RSPH14: variants seen among roughly 807,000 people sequenced by gnomAD.
RSPH14 encodes the protein rhabdoid tumor deletion region gene 1.
In RSPH14, 20 loss-of-function variants were observed where a neutral mutation model predicts 26.7. The ratio of observed to expected loss-of-function variants is 0.75; its 90% CI spans 0.53 to 1.09. The LOEUF is 1.09. Among genes scored for constraint, RSPH14 ranks in the 50% least tolerant of loss-of-function variants. The pLI, the probability that RSPH14 is intolerant of heterozygous loss-of-function variation, is 0.00. For synonymous variants in RSPH14, 177 were observed against 189.3 expected (o/e 0.93, Z 0.53); for missense variants, 449 against 457.2 (o/e 0.98, Z 0.16).
At chr22:23,114,387 C>G (rs1231595959) in intron 4 of RSPH14, among the ~76,000 whole-genome samples, 3 of 152,206 alleles carry the variant, frequency 2.0e-5, no homozygotes, top group Non-Finnish European at 4.4e-5. Flanking sequence ...GACAGACCGG[C>G]CCCGGCCCCA....
At chr22:23,151,560 G>A in the RSPH14 span, among the ~76,000 whole-genome samples, 1 of 152,090 alleles carries the variant, frequency 6.6e-6, no homozygotes, top group Non-Finnish European at 1.5e-5. Context: ...GGCTCCTTGG[G>A]GATGAGCTGC....
At chr22:23,173,592 C>T in the RSPH14 span, among the ~76,000 whole-genome samples, 4,591 of 151,194 alleles carry the variant, frequency 0.03, 252 homozygotes, top group African/African-American at 0.11. Flanking sequence ...AGACACATGC[C>T]ACAATGCTCA....
intron 4 of RSPH14, among the ~76,000 whole-genome samples, chr22:23,130,898 G>C (rs1197590018): frequency 1.3e-5 from 2 of 152,260 alleles, no homozygotes; most frequent in Non-Finnish European, 2.9e-5. Context: ...CAGAGGCTGG[G>C]CTGGAAGCAG....
intron 4 of RSPH14, among the ~76,000 whole-genome samples, chr22:23,128,250 CTCATGGGGTTCTACTCCATT>C: frequency 6.6e-6 from 1 of 152,222 alleles, no homozygotes; most frequent in East Asian, 1.9e-4. Flanking sequence ...AACCTGTTTT[CTCATGGGGTTCTACTCCATT>C]CCTGGACTTA....
At chr22:23,174,794 C>A in the RSPH14 span, among the ~76,000 whole-genome samples, 3 of 151,618 alleles carry the variant, frequency 2.0e-5, no homozygotes, top group South Asian at 6.3e-4. Context: ...CATGGAGAAA[C>A]CCCGTTTCTA....
Position 23,071,561 on chromosome 22 carries a change from CA to C in RSPH14, c.422-7429del, listed in dbSNP as rs1167441194. 1.3e-5 allele frequency among the ~76,000 whole-genome samples: 2 copies of C among 152,270 alleles called. No individual in the cohort carries two copies. The highest frequency in any genetic ancestry group is 3.9e-4 in the East Asian group (2 of 5,168). On this transcript the variant is annotated intron_variant, in intron 4 of 6. Transcript: ENST00000216036. The surrounding 1 kb of genome is among the most constrained non-coding windows in gnomAD (Gnocchi z 4.1). Reference sequence around the variant, plus strand: ...GGCTCCTTGGCCAAATTCAATTAAGCAAATATTTATTGAGTGGTCACTCCCC... The same window carrying C: ...GGCTCCTTGGCCAAATTCAATTAAGCAATATTTATTGAGTGGTCACTCCCC...
chr22:23,119,999 C>T (rs1439011146), intron 4 of RSPH14, among the ~76,000 whole-genome samples: 1 of 152,152 alleles, frequency 6.6e-6, no homozygotes, highest in Non-Finnish European at 1.5e-5. Flanking sequence ...GTCCTGGGCA[C>T]AAGCAGGGGC....
At chr22:23,107,177 C>T (rs2069507321) in intron 4 of RSPH14, among the ~76,000 whole-genome samples, 1 of 152,196 alleles carries the variant, frequency 6.6e-6, no homozygotes, top group African/African-American at 2.4e-5. Context: ...CTACAGTTGT[C>T]ACCAGGCATA....
At chr22:23,100,835 C>G (rs71316787) in intron 4 of RSPH14, among the ~76,000 whole-genome samples, 150,101 of 152,308 alleles carry the variant, frequency 0.99, 73,967 homozygotes, top group East Asian at 1. Flanking sequence ...TATGGGTGCT[C>G]GTCCATAACA....
chr22:23,111,163 G>A (rs2069644787), intron 4 of RSPH14, among the ~76,000 whole-genome samples: 1 of 152,162 alleles, frequency 6.6e-6, no homozygotes, highest in South Asian at 2.1e-4. Flanking sequence ...CCGGGGAGTG[G>A]CCTCACTGTC....
upstream of RSPH14, chr22:23,146,725 C>A: frequency 6.2e-7 from 1 of 1,605,736 alleles, no homozygotes. Flanking sequence ...CCTGGCCCTG[C>A]AGCCACATCA....
intron 4 of RSPH14, among the ~76,000 whole-genome samples, chr22:23,080,858 A>G (rs1281732482): frequency 6.6e-6 from 1 of 152,218 alleles, no homozygotes; most frequent in African/African-American, 2.4e-5. Context: ...ATCAGCACTC[A>G]CTGGATTAAT....
At chr22:23,081,858 G>A (rs1304790569) in intron 4 of RSPH14, among the ~76,000 whole-genome samples, 1 of 148,920 alleles carries the variant, frequency 6.7e-6, no homozygotes, top group African/African-American at 2.5e-5. Flanking sequence ...AGGCGCAGTG[G>A]CTCACGCCTG....
chr22:23,143,004 T>G (rs937665504), upstream of RSPH14, among the ~76,000 whole-genome samples: 2 of 152,198 alleles, frequency 1.3e-5, no homozygotes, highest in African/African-American at 4.8e-5. Context: ...GGATGCAACT[T>G]GGTGAACACT....
At chr22:23,138,738 G>T in intron 3 of RSPH14, 102 bp downstream of exon 3, 4 of 951,608 alleles carry the variant, frequency 4.2e-6, no homozygotes, top group Non-Finnish European at 6.2e-6. Flanking sequence ...AAACTGATGC[G>T]GCAGACAACA....
chr22:23,077,840 C>T (rs1446236544), intron 4 of RSPH14, among the ~76,000 whole-genome samples: 1 of 152,184 alleles, frequency 6.6e-6, no homozygotes, highest in African/African-American at 2.4e-5. Flanking sequence ...CCAGCAGGCC[C>T]TGACCCCCTG....
chr22:23,078,308 T>TA (rs1169219822), intron 4 of RSPH14, among the ~76,000 whole-genome samples: 1 of 152,260 alleles, frequency 6.6e-6, no homozygotes. Flanking sequence ...TCATTTCCCT[T>TA]AAACACTGGG....
intron 3 of RSPH14, among the ~76,000 whole-genome samples, chr22:23,134,689 A>T (rs1010914500): frequency 1.3e-5 from 2 of 151,836 alleles, no homozygotes; most frequent in African/African-American, 4.8e-5. Context: ...ACATGGCAAA[A>T]CCCCGTCTCT....
At chr22:23,164,035 C>G in the RSPH14 span, 3 of 152,268 alleles carry the variant, frequency 2.0e-5, no homozygotes, top group Non-Finnish European at 2.9e-5. Flanking sequence ...TTTGCGTACT[C>G]AGGAAGGCCC....
Sources: allele counts gnomAD v4.1 joint callset (sites outside exome capture counted in the v4.1 genomes callset), GRCh38; gene constraint gnomAD v4.1.1; non-coding constraint Gnocchi (gnomAD v3.1); transcripts MANE v1.5; gene names NCBI Gene and HGNC (gene_info 2026-07-23, HGNC 2026-07-21).